KYNU: variants seen among roughly 807,000 people sequenced by gnomAD.
The protein encoded by KYNU is kynureninase.
In KYNU, 54 loss-of-function variants were observed where a neutral mutation model predicts 59.2. That is an observed-to-expected ratio of 0.91 (90% CI 0.73 to 1.14). The LOEUF is 1.14. KYNU is among the 50% of genes most tolerant of loss of function. The pLI is 0.00. For missense variants in KYNU, 567 were observed against 554.4 expected (o/e 1.02, Z -0.23); for synonymous variants, 177 against 192.0 (o/e 0.92, Z 0.65).
chr2:142,971,780 A>G (rs1192558283), intron 8 of KYNU, among the ~76,000 whole-genome samples: 1 of 152,232 alleles, frequency 6.6e-6, no homozygotes, highest in Admixed American at 6.5e-5. Context: ...TACTGCATAA[A>G]AAGCACAACT....
chr2:143,043,469 A>G lies in KYNU; in HGVS notation c.*1297A>G, dbSNP rs1489042569. ...GTTTGAATGAAATAAACAAACTTAG[A>G]TAAACACTTCGGATGGTAGACGTAA... On this transcript the variant is annotated 3_prime_UTR_variant, in exon 14 of 14. Transcript: ENST00000264170. 2 of 152,000 alleles carry G rather than the reference A, an allele frequency of 1.3e-5. No individual in the cohort carries two copies. Among genetic ancestry groups the G allele is most frequent in the African/African-American group, 4.8e-5 (2 of 41,428 alleles). 9.4% of individuals were successfully genotyped at this position (152,000 alleles called of 1,614,324 possible).
intron 10 of KYNU, among the ~76,000 whole-genome samples, chr2:143,025,100 C>T (rs1034715883): frequency 7.2e-5 from 11 of 151,988 alleles, no homozygotes; most frequent in Admixed American, 7.2e-4. Context: ...TTTCATCCCT[C>T]CTATTGTTAA....
At position 142,985,947 on chromosome 2, in the gene KYNU, GTA is replaced by G. The variant is rs1185190836; in HGVS notation, c.830_831del (p.Tyr277PhefsTer15). On this transcript the variant is annotated frameshift_variant and splice_region_variant, in exon 10 of 14. Coordinates refer to ENST00000264170, the MANE Select transcript of KYNU (RefSeq NM_003937.3). LOFTEE classifies it high-confidence loss of function. ...CATAATTTAATTTATTTTCAATCTA[GTA>G]TTTAAATGCAGGAGCAGGAGGAATT... is the stretch of plus-strand genomic sequence containing the variant. ...VDFACWCSYK[Y>X]LNAGAGGIAG... is the part of the protein sequence containing the mutation. 6.3e-7 allele frequency: 1 copy of G among 1,595,424 alleles called. No homozygotes were observed. The highest frequency in any genetic ancestry group is 1.3e-5 in the African/African-American group (1 of 74,348).
At chr2:142,989,523 A>G in intron 10 of KYNU, 1 of 980,582 alleles carries the variant, frequency 1.0e-6, no homozygotes, top group Non-Finnish European at 1.2e-6. Context: ...TTTCAAATAA[A>G]TAATATCGAA....
chr2:142,934,180 G>T (rs1259883180), intron 4 of KYNU, among the ~76,000 whole-genome samples: 2 of 152,146 alleles, frequency 1.3e-5, no homozygotes, highest in African/African-American at 2.4e-5. Context: ...ATAGGCTTTA[G>T]GCCTATGCGA....
intron 10 of KYNU, among the ~76,000 whole-genome samples, chr2:143,003,154 A>G (rs1363220179): frequency 6.6e-6 from 1 of 152,200 alleles, no homozygotes; most frequent in African/African-American, 2.4e-5. Context: ...ATAAGCAATT[A>G]CTTTCTAAGA....
intron 11 of KYNU, among the ~76,000 whole-genome samples, chr2:143,031,785 G>A (rs147010785): frequency 6.6e-6 from 1 of 152,272 alleles, no homozygotes; most frequent in South Asian, 2.1e-4. Flanking sequence ...CCATATATTA[G>A]TCTGTTTTCA....
chr2:142,889,340 ATTC>A lies in KYNU; in HGVS notation c.169+3810_169+3812del, dbSNP rs1681624359. 3.9e-5 allele frequency among the ~76,000 whole-genome samples: 6 copies of A among 152,166 alleles called. No homozygotes were observed. In the South Asian group the frequency reaches 1.2e-3, roughly 32 times the overall value. On this transcript the variant is annotated intron_variant, in intron 2 of 13. Transcript: ENST00000264170. ...GACTCAGCAAGTCCTGTATTTTTGG[ATTC>A]TTCTTGCTCCCTCGGTGTAGCATTT...
At chr2:142,880,658 T>G (rs1251591766) in intron 1 of KYNU, among the ~76,000 whole-genome samples, 20 of 152,226 alleles carry the variant, frequency 1.3e-4, no homozygotes, top group Non-Finnish European at 2.9e-5. Context: ...AGAATTTGAT[T>G]ATGTACTCAG....
intron 12 of KYNU, among the ~76,000 whole-genome samples, chr2:143,037,560 A>G (rs1686925081): frequency 6.6e-6 from 1 of 152,170 alleles, no homozygotes; most frequent in Non-Finnish European, 1.5e-5. Context: ...AATTTAAGAG[A>G]AAAATATGAC....
chr2:142,902,712 T>C (rs1036515786), intron 2 of KYNU, among the ~76,000 whole-genome samples: 2 of 152,232 alleles, frequency 1.3e-5, no homozygotes, highest in Admixed American at 6.5e-5. Context: ...CTTGGGTGGC[T>C]TGATGGCACA....
Position 143,029,668 on chromosome 2 carries a change from A to G in KYNU, c.944A>G (p.Lys315Arg), listed in dbSNP as rs1355717395. 1 of 1,560,524 alleles carries G rather than the reference A, an allele frequency of 6.4e-7. No individual in the cohort carries two copies. The highest frequency in any genetic ancestry group is 1.4e-5 in the African/African-American group (1 of 73,990). ...WFGHELSTRF[K>R]MDNKLQLIPG... is the part of the protein sequence containing the mutation. ...GGCCATGAACTCAGCACCAGATTTAAGATGGATAACAGTAAGTGTATTTAT... is the reference window on the plus strand; with the variant it reads ...GGCCATGAACTCAGCACCAGATTTAGGATGGATAACAGTAAGTGTATTTAT... Residue 315 changes from lysine to arginine, a missense_variant, in exon 11 of 14, where the codon AAG (lysine) becomes AGG (arginine). Lys to Arg is a conservative substitution (Grantham distance 26). Coordinates refer to ENST00000264170, the MANE Select transcript of KYNU (RefSeq NM_003937.3).
chr2:142,886,997 C>A (rs975787347), intron 2 of KYNU, among the ~76,000 whole-genome samples: 4 of 152,108 alleles, frequency 2.6e-5, no homozygotes, highest in African/African-American at 7.2e-5. Context: ...GGTGAAACCC[C>A]ATCTCTACTA....
chr2:142,903,204 C>T (rs923431935), intron 2 of KYNU, among the ~76,000 whole-genome samples: 3 of 151,862 alleles, frequency 2.0e-5, no homozygotes, highest in East Asian at 1.9e-4. Context: ...TGTTGGGCCT[C>T]GGGTCTAAGG....
chr2:142,954,981 G>T (rs147289928), intron 5 of KYNU, 110 bp downstream of exon 5: 2 of 728,828 alleles, frequency 2.7e-6, no homozygotes, highest in African/African-American at 3.6e-5. Flanking sequence ...AAAATAAATT[G>T]TGAGGTTATT....
chr2:142,940,939 C>T (rs1231876401), intron 4 of KYNU, among the ~76,000 whole-genome samples: 1 of 152,214 alleles, frequency 6.6e-6, no homozygotes, highest in South Asian at 2.1e-4. Context: ...AACTCAGAAA[C>T]AGCCAATGGA....
At chr2:142,879,263 T>C (rs778158332) in intron 1 of KYNU, among the ~76,000 whole-genome samples, 2 of 152,158 alleles carry the variant, frequency 1.3e-5, no homozygotes, top group Non-Finnish European at 2.9e-5. Context: ...TTTGAGACCA[T>C]GCGAAGTTGT....
intron 8 of KYNU, among the ~76,000 whole-genome samples, chr2:142,963,770 T>A (rs532238000): frequency 4.1e-4 from 62 of 152,294 alleles, no homozygotes; most frequent in African/African-American, 1.4e-3. Context: ...ATAAATGCAT[T>A]ATTTTGTCTA....
At chr2:142,966,882 A>G (rs949954914) in intron 8 of KYNU, among the ~76,000 whole-genome samples, 1 of 152,144 alleles carries the variant, frequency 6.6e-6, no homozygotes, top group Admixed American at 6.6e-5. Flanking sequence ...CTTGTTGGAA[A>G]AAGAAATAAT....
Sources: gnomAD v4.1 joint callset for allele counts (sites outside exome capture counted in the v4.1 genomes callset) on GRCh38, gnomAD v4.1.1 for gene constraint, MANE v1.5 for transcripts, NCBI Gene and HGNC (gene_info 2026-07-23, HGNC 2026-07-21) for gene names.